Variants in VPS13B observed in about 807,000 individuals in gnomAD.
VPS13B encodes intermembrane lipid transfer protein VPS13B.
A neutral mutation model predicts 426.4 loss-of-function variants in VPS13B; 285 were observed. The observed-to-expected ratio is 0.67, with a 90% CI of 0.61 to 0.74. The LOEUF (loss-of-function observed/expected upper bound fraction) is 0.74, where lower values mean the gene tolerates loss of function less well. Among genes scored for constraint, VPS13B ranks in the 30% least tolerant of loss-of-function variants. The pLI is 0.00. For synonymous variants in VPS13B, 1,676 were observed against 1,676.4 expected (o/e 1.00, Z 0.01); for missense variants, 4,537 against 4,782.6 (o/e 0.95, Z 1.51).
chr8:99,606,705 T>C (rs1258436115), intron 33 of VPS13B, among the ~76,000 whole-genome samples: 1 of 147,984 alleles, frequency 6.8e-6, no homozygotes, highest in African/African-American at 2.5e-5. Flanking sequence ...TCTCAGCCAC[T>C]GCAACCTCCG....
chr8:99,558,998 A>G (rs1346821261), intron 31 of VPS13B, among the ~76,000 whole-genome samples: 1 of 152,328 alleles, frequency 6.6e-6, no homozygotes, highest in East Asian at 1.9e-4. Flanking sequence ...GTCTTCCACA[A>G]TGGTTGAACT....
chr8:99,740,687 G>T (rs926255825), intron 39 of VPS13B, among the ~76,000 whole-genome samples: 1 of 152,260 alleles, frequency 6.6e-6, no homozygotes, highest in African/African-American at 2.4e-5. Context: ...TTAAAGAAAA[G>T]AATTTTGAAC....
chr8:99,245,676 G>A, intron 17 of VPS13B, among the ~76,000 whole-genome samples: 1 of 152,100 alleles, frequency 6.6e-6, no homozygotes, highest in East Asian at 1.9e-4. Context: ...CAAGTAGCTG[G>A]GATTACAGGC....
intron 31 of VPS13B, among the ~76,000 whole-genome samples, chr8:99,572,988 T>C (rs1329531624): frequency 1.3e-5 from 2 of 152,092 alleles, no homozygotes; most frequent in African/African-American, 2.4e-5. Context: ...TTTTAATGAT[T>C]GCCATTCTAA....
chr8:99,481,350 G>C (rs1290332521), intron 24 of VPS13B, among the ~76,000 whole-genome samples: 1 of 152,118 alleles, frequency 6.6e-6, no homozygotes, highest in African/African-American at 2.4e-5. Flanking sequence ...TCAATCTACT[G>C]TTTGCTAATA....
chr8:99,380,214 T>C (rs1813718154), intron 19 of VPS13B, among the ~76,000 whole-genome samples: 1 of 152,184 alleles, frequency 6.6e-6, no homozygotes, highest in Admixed American at 6.5e-5. Flanking sequence ...GGATATCATA[T>C]TGGGAAAGTC....
chr8:99,039,139 A>C (rs1176991375), intron 3 of VPS13B, among the ~76,000 whole-genome samples: 1 of 152,198 alleles, frequency 6.6e-6, no homozygotes, highest in African/African-American at 2.4e-5. Flanking sequence ...ATCTACAATG[A>C]AAGTGCAGCC....
chr8:99,814,094 C>G (rs1444059170), intron 44 of VPS13B, among the ~76,000 whole-genome samples: 1 of 152,200 alleles, frequency 6.6e-6, no homozygotes, highest in African/African-American at 2.4e-5. Context: ...GAGCTGAAAT[C>G]TTGCCACTGC....
Position 99,832,541 on chromosome 8 carries a change from G to A in VPS13B, c.9503G>A (p.Gly3168Asp). 6.2e-7 allele frequency: 1 copy of A among 1,613,772 alleles called. No homozygotes were observed. The highest frequency in any genetic ancestry group is 8.5e-7 in the Non-Finnish European group (1 of 1,179,960). ...QIMLGFSPAP[G>D]ADSSQCWSLP... ...ATGCTGGGCTTTTCTCCTGCCCCAG[G>A]TGCTGACAGCTCACAGTGCTGGAGC... The change falls in exon 52 of 62, where the codon GGT becomes GAT. Residue 3168 changes from glycine (G) to aspartate (D), a missense_variant. Gly to Asp is a moderately conservative substitution (Grantham distance 94). Coordinates refer to ENST00000357162, the MANE Select transcript of VPS13B (RefSeq NM_152564.5).
At chr8:99,811,960 G>A (rs4735646) in intron 44 of VPS13B, among the ~76,000 whole-genome samples, 7,107 of 152,028 alleles carry the variant, frequency 0.047, 188 homozygotes, top group African/African-American at 0.064. Flanking sequence ...TAAGTTGGAC[G>A]GTTTTGTATT....
chr8:99,606,415 A>G (rs1447548776), intron 33 of VPS13B, among the ~76,000 whole-genome samples: 1 of 150,458 alleles, frequency 6.6e-6, no homozygotes, highest in Non-Finnish European at 1.5e-5. Flanking sequence ...TGTCAGTCCC[A>G]TGTGCTCTGG....
At chr8:99,801,991 G>C (rs151075908) in intron 43 of VPS13B, among the ~76,000 whole-genome samples, 1 of 151,874 alleles carries the variant, frequency 6.6e-6, no homozygotes, top group Admixed American at 6.6e-5. Context: ...CTCTACAAAA[G>C]ATACAAAAAT....
chr8:99,103,654 C>T (rs1294925492), intron 5 of VPS13B, among the ~76,000 whole-genome samples: 1 of 152,012 alleles, frequency 6.6e-6, no homozygotes, highest in Non-Finnish European at 1.5e-5. Flanking sequence ...CACCTGCCAC[C>T]ATGCCCGGCT....
intron 42 of VPS13B, among the ~76,000 whole-genome samples, chr8:99,780,063 T>C (rs769192188): frequency 5.3e-5 from 8 of 152,186 alleles, no homozygotes; most frequent in Non-Finnish European, 8.8e-5. Flanking sequence ...GGCACTATAA[T>C]AGCAAAGGGA....
intron 59 of VPS13B, among the ~76,000 whole-genome samples, chr8:99,870,555 A>G (rs1817344600): frequency 1.3e-5 from 2 of 152,152 alleles, no homozygotes; most frequent in Non-Finnish European, 2.9e-5. Context: ...TTGCTAGTCT[A>G]TGCTTGGACT....
intron 58 of VPS13B, among the ~76,000 whole-genome samples, 164 bp downstream of exon 58, chr8:99,862,110 A>AC (rs967193149): frequency 6.6e-6 from 1 of 152,258 alleles, no homozygotes; most frequent in Non-Finnish European, 1.5e-5. Context: ...CCGGGGGCTC[A>AC]CCTGCACAGC....
chr8:99,634,379 C>T (rs1828987985), intron 33 of VPS13B, among the ~76,000 whole-genome samples: 1 of 151,992 alleles, frequency 6.6e-6, no homozygotes, highest in Admixed American at 6.6e-5. Context: ...ACTGAACTAT[C>T]TGCATGCTGC....
At chr8:99,521,775 G>A (rs1822389307) in intron 30 of VPS13B, among the ~76,000 whole-genome samples, 1 of 152,144 alleles carries the variant, frequency 6.6e-6, no homozygotes, top group African/African-American at 2.4e-5. Context: ...CTGTTCTCCA[G>A]TAAATGTTAC....
intron 44 of VPS13B, 24 bp from the exon 45 acceptor site, chr8:99,817,516 C>T: frequency 6.2e-7 from 1 of 1,613,248 alleles, no homozygotes; most frequent in Non-Finnish European, 8.5e-7. Context: ...TTGATGAAGC[C>T]TTATATACTT....
Sources: allele counts gnomAD v4.1 joint callset (sites outside exome capture counted in the v4.1 genomes callset), GRCh38; gene constraint gnomAD v4.1.1; transcripts MANE v1.5; gene names NCBI Gene and HGNC (gene_info 2026-07-23, HGNC 2026-07-21).